Variants in TMED8 observed in about 807,000 individuals in gnomAD.
TMED8 encodes protein TMED8.
Under a neutral mutation model 32.7 loss-of-function variants are expected in TMED8, and 15 were observed. That is an observed-to-expected ratio of 0.46 (90% CI 0.31 to 0.71). The LOEUF (loss-of-function observed/expected upper bound fraction) is 0.71, where lower values mean the gene tolerates loss of function less well. TMED8 is among the 30% of genes least tolerant of loss of function. TMED8 has a pLI of 0.06. For missense variants in TMED8, 390 were observed against 423.9 expected (o/e 0.92, Z 0.70); for synonymous variants, 147 against 161.4 (o/e 0.91, Z 0.68).
chr14:77,347,881 T>C (rs1893086795), intron 2 of TMED8, among the ~76,000 whole-genome samples: 1 of 152,226 alleles, frequency 6.6e-6, no homozygotes, highest in South Asian at 2.1e-4. Flanking sequence ...TATCCAAGTA[T>C]GGTCTAGGGG....
intron 1 of TMED8, among the ~76,000 whole-genome samples, chr14:77,368,320 AT>A (rs910542645): frequency 1.3e-5 from 2 of 152,012 alleles, no homozygotes; most frequent in African/African-American, 2.4e-5. Flanking sequence ...TCATGTTAAA[AT>A]TTTTTTGGGG....
intron 1 of TMED8, chr14:77,359,621 A>G: frequency 2.6e-6 from 1 of 381,738 alleles, no homozygotes; most frequent in Non-Finnish European, 5.1e-6. Flanking sequence ...AAAAAGAAAT[A>G]TTAATGAATA....
intron 2 of TMED8, among the ~76,000 whole-genome samples, chr14:77,350,233 C>T (rs968293581): frequency 3.3e-5 from 5 of 151,988 alleles, no homozygotes; most frequent in East Asian, 1.9e-4. Flanking sequence ...CTTGGTGGGA[C>T]GTGAAAGCAC....
chr14:77,371,586 A>T (rs1363085736), intron 1 of TMED8, among the ~76,000 whole-genome samples: 2 of 152,236 alleles, frequency 1.3e-5, no homozygotes, highest in Non-Finnish European at 2.9e-5. Flanking sequence ...AAAACAACTT[A>T]TAATTGGATT....
chr14:77,343,557 G>C, intron 4 of TMED8, 74 bp from the exon 5 acceptor site: 6 of 1,582,278 alleles, frequency 3.8e-6, no homozygotes, highest in Non-Finnish European at 5.2e-6. Flanking sequence ...GCTAAGAGAG[G>C]CTGGCACAGT....
intron 1 of TMED8, among the ~76,000 whole-genome samples, chr14:77,364,464 C>T (rs752597511): frequency 1.3e-5 from 2 of 152,126 alleles, no homozygotes; most frequent in Non-Finnish European, 2.9e-5. Flanking sequence ...AGGCTGGTCT[C>T]AAACTCCTAG....
intron 1 of TMED8, among the ~76,000 whole-genome samples, chr14:77,367,261 A>C (rs552855039): frequency 1.1e-4 from 17 of 151,636 alleles, no homozygotes; most frequent in African/African-American, 3.6e-4. Context: ...AAAAAAAAAA[A>C]AAAAAACTTT....
chr14:77,360,821 A>C (rs1893419174), intron 1 of TMED8, among the ~76,000 whole-genome samples: 1 of 152,140 alleles, frequency 6.6e-6, no homozygotes, highest in Non-Finnish European at 1.5e-5. Flanking sequence ...TCTCTTACCA[A>C]AGAGAAGTCA....
intron 2 of TMED8, among the ~76,000 whole-genome samples, chr14:77,349,155 A>C (rs1893122050): frequency 7.8e-6 from 1 of 127,682 alleles, no homozygotes; most frequent in South Asian, 2.6e-4. Context: ...CTGTCGCCCA[A>C]GCTGGGGTGT....
In TMED8 at chr14:77,338,147, AC is replaced by A. The variant is rs1328349609; in HGVS notation, c.*3623del. 2 of 151,894 alleles carry A rather than the reference AC, an allele frequency of 1.3e-5. No individual in the cohort carries two copies. Among genetic ancestry groups the A allele is most frequent in the East Asian group, 3.9e-4 (2 of 5,176 alleles). 9.4% of individuals were successfully genotyped at this position (151,894 alleles called of 1,614,324 possible). On this transcript the variant is annotated 3_prime_UTR_variant, in exon 6 of 6. Transcript: ENST00000216468. ...AGAGATCTTAAGACTAACCAAACAG[AC>A]CCTTTGTGGCAATAAAATACCAAAT...
chr14:77,359,446 T>A, intron 1 of TMED8: 1 of 237,160 alleles, frequency 4.2e-6, no homozygotes, highest in Non-Finnish European at 8.6e-6. Flanking sequence ...ATGTCCAAGT[T>A]TTTATCCCAG....
Position 77,340,304 on chromosome 14 carries a change from G to A in TMED8, c.*1467C>T, listed in dbSNP as rs1892864653. The A allele has an allele frequency of 6.6e-6, 1 of 152,152 alleles. No individual in the cohort carries two copies. The highest frequency in any genetic ancestry group is 1.5e-5 in the Non-Finnish European group (1 of 68,036). The allele number at this position is 152,152 out of a possible 1,614,324, so 9.4% of individuals were successfully genotyped here. A position where few individuals can be genotyped will look rare whatever the true frequency, so the allele number is the denominator to read the frequency against. On this transcript the variant is annotated 3_prime_UTR_variant, in exon 6 of 6. Transcript: ENST00000216468. ...ATATCATCTTTAACTCCATAAAAGA[G>A]GGGGCTTCAGTGGCTCAGAACAGAT...
At chr14:77,357,884 G>T (rs1893327533) in intron 1 of TMED8, among the ~76,000 whole-genome samples, 1 of 152,124 alleles carries the variant, frequency 6.6e-6, no homozygotes, top group African/African-American at 2.4e-5. Flanking sequence ...AACACTTTGG[G>T]AGGCTGAGGC....
At chr14:77,343,650 A>C in intron 4 of TMED8, 47 bp downstream of exon 4, 1 of 1,606,146 alleles carries the variant, frequency 6.2e-7, no homozygotes, top group Non-Finnish European at 8.5e-7. Flanking sequence ...CCTTTCTTTG[A>C]GTATCTACTG....
intron 1 of TMED8, among the ~76,000 whole-genome samples, chr14:77,360,347 T>C (rs1893405407): frequency 6.6e-6 from 1 of 151,938 alleles, no homozygotes; most frequent in African/African-American, 2.4e-5. Context: ...TCCTCTACCA[T>C]CACCACCACC....
At chr14:77,364,204 C>T (rs7159090) in intron 1 of TMED8, among the ~76,000 whole-genome samples, 14,815 of 151,736 alleles carry the variant, frequency 0.098, 1,253 homozygotes, top group African/African-American at 0.23. Flanking sequence ...TTTTTTTCTT[C>T]TTCTTCTTCT....
At chr14:77,351,809 T>C (rs61990317) in intron 1 of TMED8, 58 bp from the exon 2 acceptor site, 83,091 of 1,409,616 alleles carry the variant, frequency 0.059, 2,943 homozygotes, top group Non-Finnish European at 0.071. Context: ...ATCATAATTA[T>C]CTTGTACCTT....
chr14:77,345,556 A>G lies in TMED8; in HGVS notation c.327+793T>C, dbSNP rs1401981582. Among the ~76,000 whole-genome samples, 3 of 151,058 alleles carry G rather than the reference A, an allele frequency of 2.0e-5. No individual in the cohort carries two copies. In the East Asian group the frequency reaches 5.9e-4, roughly 30 times the overall value. ...CATCACTTCCATACAGCTACTTGGA[A>G]GGCTGAGGCAGGAGGATCACTCGAG... On this transcript the variant is annotated intron_variant, in intron 3 of 5. Transcript: ENST00000216468.
chr14:77,361,758 T>G (rs74408106), intron 1 of TMED8, among the ~76,000 whole-genome samples: 215 of 152,338 alleles, frequency 1.4e-3, no homozygotes, highest in Admixed American at 3.7e-3. Flanking sequence ...TGTTTTATAG[T>G]CTTAAGTGTC....
Sources: allele counts gnomAD v4.1 joint callset (sites outside exome capture counted in the v4.1 genomes callset), GRCh38; gene constraint gnomAD v4.1.1; transcripts MANE v1.5; gene names NCBI Gene and HGNC (gene_info 2026-07-23, HGNC 2026-07-21).